The following INTS11 variants were observed in gnomAD, a reference collection of about 807,000 sequenced individuals.
The protein encoded by INTS11 is integrator complex subunit 11, also known as CPSF3-like protein.
A neutral mutation model predicts 78.6 loss-of-function variants in INTS11; 77 were observed. The ratio of observed to expected loss-of-function variants is 0.98; its 90% CI spans 0.81 to 1.18. The LOEUF (loss-of-function observed/expected upper bound fraction) is 1.18, where lower values mean the gene tolerates loss of function less well. Ranked by LOEUF, INTS11 falls within the 50% of genes most tolerant of loss-of-function variation. INTS11 has a pLI of 0.00. For missense variants in INTS11, 875 were observed against 825.9 expected, an observed-to-expected ratio of 1.06 and a Z score of -0.73; for synonymous variants, 441 against 326.9, an observed-to-expected ratio of 1.35 and a Z score of -3.77.
intron 4 of INTS11, chr1:1,318,884 C>A (rs755713672): frequency 1.5e-6 from 1 of 681,758 alleles, no homozygotes; most frequent in Non-Finnish European, 2.8e-6. Context: ...TGACCCACAC[C>A]CAGAACCAGG....
chr1:1,312,213 G>GGGGGGGGGGGGGGGCCCCCCCC lies in INTS11; in HGVS notation c.1607+12_1607+13insGGGGGGGGCCCCCCCCCCCCCC. On this transcript the variant is annotated intron_variant, in intron 15 of 16. Transcript: ENST00000435064. Reference sequence around the variant, plus strand: ...CCCAAGGGAGTGGGGGGGGGGCGGGGCCGGGCGCCCACCTCTTGAGGTGGC... The same window carrying GGGGGGGGGGGGGGGCCCCCCCC: ...CCCAAGGGAGTGGGGGGGGGGCGGGGGGGGGGGGGGGGGGCCCCCCCCCCGGGCGCCCACCTCTTGAGGTGGC... 1.1e-6 allele frequency: 1 copy of GGGGGGGGGGGGGGGCCCCCCCC among 934,628 alleles called. No individual in the cohort carries two copies. Among genetic ancestry groups the GGGGGGGGGGGGGGGCCCCCCCC allele is most frequent in the Non-Finnish European group, 1.6e-6 (1 of 636,676 alleles). The allele number at this position is 934,628 out of a possible 1,614,324, so 57.9% of individuals were successfully genotyped here.
chr1:1,322,280 A>G (rs1342196787), intron 1 of INTS11, among the ~76,000 whole-genome samples: 1 of 151,506 alleles, frequency 6.6e-6, no homozygotes, highest in Non-Finnish European at 1.5e-5. Context: ...CCGCCTCCCG[A>G]CAGGACCCAC....
In INTS11 at chr1:1,319,502, C is replaced by T. The variant is rs1194022808; in HGVS notation, c.223G>A (p.Gly75Arg). 16 of 1,589,016 alleles carry T rather than the reference C, an allele frequency of 1.0e-5. No homozygotes were observed. Among genetic ancestry groups the T allele is most frequent in the South Asian group, 3.4e-5 (3 of 87,194 alleles). The change falls in exon 4 of 17, where the codon GGG (glycine) becomes AGG (arginine). Residue 75 changes from glycine to arginine, a missense_variant. Transcript: ENST00000435064. ...IISHFHLDHC[G>R]ALPYFSEMVG... ...ATCTCGCTGAAGTAGGGGAGTGCCC[C>T]GCAGTGGTCCAGGTGGAAGTGGCTA...
chr1:1,319,494 G>T lies in INTS11; in HGVS notation c.231C>A (p.Leu77=), dbSNP rs1247639305. ...SHFHLDHCGA[L]PYFSEMVGYD... ...AGCCCACCATCTCGCTGAAGTAGGG[G>T]AGTGCCCCGCAGTGGTCCAGGTGGA... The change falls in exon 4 of 17, where the codon CTC becomes CTA. Residue 77 remains leucine (L), a synonymous_variant. Transcript: ENST00000435064. 1.9e-6 allele frequency: 3 copies of T among 1,598,546 alleles called. No homozygotes were observed. Among genetic ancestry groups the T allele is most frequent in the Admixed American group, 3.4e-5 (2 of 59,466 alleles).
At chr1:1,320,036 G>A (rs1013121537) in intron 3 of INTS11, 13 of 219,028 alleles carry the variant, frequency 5.9e-5, no homozygotes, top group Non-Finnish European at 1.1e-4. Flanking sequence ...GGAGGACAGG[G>A]CAGGGAAGGG....
rs1642339065 is a variant in INTS11, at chr1:1,313,114, G to C, written c.1052C>G (p.Pro351Arg). 4 of 1,607,344 alleles carry C rather than the reference G, an allele frequency of 2.5e-6. No individual in the cohort carries two copies. The highest frequency in any genetic ancestry group is 2.5e-6 in the Non-Finnish European group (3 of 1,179,584). The change falls in exon 11 of 17, where the codon CCC (proline) becomes CGC (arginine). Residue 351 changes from proline to arginine, a missense_variant. Physicochemically the swap from Pro to Arg is moderately radical, Grantham distance 103. Coordinates refer to ENST00000435064, the MANE Select transcript of INTS11 (RefSeq NM_017871.6). ...AGNEKNMVIM[P>R]GYCVQGTVGH... ...GACGGTGCCCTGCACGCAGTAGCCG[G>C]GCATGATGACCTGGGGGCAGGCACA... is the stretch of plus-strand genomic sequence containing the variant.
chr1:1,321,924 C>A, intron 1 of INTS11: 1 of 1,357,246 alleles, frequency 7.4e-7, no homozygotes, highest in Non-Finnish European at 9.5e-7. Flanking sequence ...CTGCCAGCCA[C>A]TCGAAGTGTC....
In INTS11 at chr1:1,315,609, C is replaced by T; in HGVS notation, c.439G>A (p.Glu147Lys). The T allele has an allele frequency of 2.5e-6, 4 of 1,601,216 alleles. No individual in the cohort carries two copies. Among genetic ancestry groups the T allele is most frequent in the Non-Finnish European group, 3.4e-6 (4 of 1,172,978 alleles). The change falls in exon 5 of 17, where the codon GAG becomes AAG. Residue 147 changes from glutamate to lysine, a missense_variant. Physicochemically the swap from Glu to Lys is moderately conservative, Grantham distance 56. Coordinates refer to ENST00000435064, the MANE Select transcript of INTS11 (RefSeq NM_017871.6). ...HLHQTVQVDDELEIKAYYAGH... is the reference protein window; with the variant it reads ...HLHQTVQVDDKLEIKAYYAGH... Reference sequence around the variant, plus strand: ...GCATAGTAGGCCTTGATCTCCAGCTCATCATCTACCTGTGGAGGACAGGGC... The same window carrying T: ...GCATAGTAGGCCTTGATCTCCAGCTTATCATCTACCTGTGGAGGACAGGGC...
rs1557643020 is a variant in INTS11 at position 1,321,024 on chromosome 1, C to T, written c.98G>A (p.Cys33Tyr). The change falls in exon 2 of 17, where the codon TGT (cysteine) becomes TAT (tyrosine). Residue 33 changes from cysteine to tyrosine, a missense_variant. Coordinates refer to ENST00000435064, the MANE Select transcript of INTS11 (RefSeq NM_017871.6). ...SIAGKNVMLD[C>Y]GMHMGFNDDR... The stretch of plus-strand genomic sequence containing the variant: ...GTCATTGAAGCCCATGTGCATTCCA[C>T]AGTCCAGCATGACATTCTTGCCCGC... 1 of 1,613,194 alleles carries T rather than the reference C, an allele frequency of 6.2e-7. No homozygotes were observed.
In INTS11 at chr1:1,312,576, C is replaced by T. The variant is rs1408125450; in HGVS notation, c.1402+17G>A. 2.5e-6 allele frequency: 4 copies of T among 1,577,652 alleles called. No homozygotes were observed. Among genetic ancestry groups the T allele is most frequent in the Non-Finnish European group, 2.6e-6 (3 of 1,158,378 alleles). On this transcript the variant is annotated intron_variant, in intron 13 of 16. Transcript: ENST00000435064. ...CCTGCCCCGAGCACCCTGCCCTGCC[C>T]TGCCCAGCCCGCATACCCTGCGCCA... is the stretch of plus-strand genomic sequence containing the variant.
At position 1,320,081 on chromosome 1, in the gene INTS11, C is replaced by T. The variant is rs575277995; in HGVS notation, c.200+375G>A. On this transcript the variant is annotated intron_variant, in intron 3 of 16. Coordinates refer to ENST00000435064, the MANE Select transcript of INTS11 (RefSeq NM_017871.6). Reference sequence around the variant, plus strand: ...AGCAGGAGTGCTGTGGCCGTCCAGACGAGGCCACCCAGACCAGCGGGTCAT... The same window carrying T: ...AGCAGGAGTGCTGTGGCCGTCCAGATGAGGCCACCCAGACCAGCGGGTCAT... 24 of 239,096 alleles carry T rather than the reference C, an allele frequency of 1.0e-4. 1 individual carries two copies. The South Asian group carries it at 1.2e-3, about 12-fold the overall frequency. The allele number at this position is 239,096 out of a possible 1,614,324, so 14.8% of individuals were successfully genotyped here.
chr1:1,324,617 C>A lies in INTS11; in HGVS notation c.-9G>T. The A allele has an allele frequency of 1.3e-6, 2 of 1,599,252 alleles. No homozygotes were observed. The highest frequency in any genetic ancestry group is 1.1e-5 in the South Asian group (1 of 89,350). Reference sequence around the variant, plus strand: ...ACTCTGATCTCAGGCATCGTCTCCGCCGCGCTCCCGGACCCGCGAGGCCCG... The same window carrying A: ...ACTCTGATCTCAGGCATCGTCTCCGACGCGCTCCCGGACCCGCGAGGCCCG... On this transcript the variant is annotated 5_prime_UTR_variant, in exon 1 of 17. Coordinates refer to ENST00000435064, the MANE Select transcript of INTS11 (RefSeq NM_017871.6).
Position 1,312,374 on chromosome 1 carries a change from G to C in INTS11, c.1465-6C>G. The C allele has an allele frequency of 6.4e-7, 1 of 1,567,276 alleles. No individual in the cohort carries two copies. Among genetic ancestry groups the C allele is most frequent in the Non-Finnish European group, 8.7e-7 (1 of 1,155,622 alleles). Reference sequence around the variant, plus strand: ...GAGGACACCAGCCGGAAGTTCTGTGGGGCAGGGACAGGTCAGTGAGCGCAG... The same window carrying C: ...GAGGACACCAGCCGGAAGTTCTGTGCGGCAGGGACAGGTCAGTGAGCGCAG... On this transcript the variant is annotated splice_region_variant and splice_polypyrimidine_tract_variant and intron_variant, in intron 14 of 16. Transcript: ENST00000435064.
chr1:1,321,126 CG>C, intron 1 of INTS11, 33 bp from the exon 2 acceptor site: 1 of 1,524,808 alleles, frequency 6.6e-7, no homozygotes, highest in Non-Finnish European at 9.0e-7. Flanking sequence ...GTCACTGCTG[CG>C]CCCCCCGCCC....
intron 3 of INTS11, 76 bp downstream of exon 3, chr1:1,320,380 T>G: frequency 2.1e-6 from 3 of 1,431,024 alleles, no homozygotes; most frequent in Non-Finnish European, 2.0e-6. Flanking sequence ...TGCCAAACGC[T>G]GCCGAGACCA....
In INTS11 at chr1:1,312,048, G is replaced by C; in HGVS notation, c.1707C>G (p.Thr569=). Reference sequence around the variant, plus strand: ...AGGTCCAGGAGACCAGCAGCACCTTGGTGCCTGGGTCCTCAGAAGGGGCGG... The same window carrying C: ...AGGTCCAGGAGACCAGCAGCACCTTCGTGCCTGGGTCCTCAGAAGGGGCGG... ...QAAAPSEDPG[T]KVLLVSWTYQ... The change falls in exon 16 of 17, where the codon ACC becomes ACG. Residue 569 remains threonine (T), a synonymous_variant. Coordinates refer to ENST00000435064, the MANE Select transcript of INTS11 (RefSeq NM_017871.6). 6.4e-7 allele frequency: 1 copy of C among 1,573,310 alleles called. No homozygotes were observed. The highest frequency in any genetic ancestry group is 8.6e-7 in the Non-Finnish European group (1 of 1,158,762).
chr1:1,321,741 G>C (rs987726425), intron 1 of INTS11, among the ~76,000 whole-genome samples: 2 of 152,186 alleles, frequency 1.3e-5, no homozygotes, highest in African/African-American at 2.4e-5. Flanking sequence ...TGACAGCCAA[G>C]CAGCCCTGCC....
chr1:1,311,706 G>A lies in INTS11; in HGVS notation c.*153C>T, dbSNP rs139808130. 5.2e-4 allele frequency: 420 copies of A among 805,916 alleles called. 1 individual carries two copies. The African/African-American group carries it at 6.2e-3, about 12-fold the overall frequency. 49.9% of individuals were successfully genotyped at this position (805,916 alleles called of 1,614,324 possible). ...CAGTTTGTTTCTTCAGCTGCAAACA[G>A]CTGCCTGGGCAGGCAGGTGACACAA... On this transcript the variant is annotated 3_prime_UTR_variant, in exon 17 of 17. Transcript: ENST00000435064.
Position 1,314,678 on chromosome 1 carries a change from T to C in INTS11, c.702+146A>G, listed in dbSNP as rs895753622. 48 of 1,039,700 alleles carry C rather than the reference T, an allele frequency of 4.6e-5. No individual in the cohort carries two copies. The highest frequency in any genetic ancestry group is 6.5e-5 in the Non-Finnish European group (46 of 709,456). The allele number at this position is 1,039,700 out of a possible 1,614,324, so 64.4% of individuals were successfully genotyped here. ...AGGGTCTCTGAGTTTTCCTCCTCAA[T>C]GTTGAGCAAATCTTCTTCCCTCCCT... On this transcript the variant is annotated intron_variant, in intron 7 of 16. Coordinates refer to ENST00000435064, the MANE Select transcript of INTS11 (RefSeq NM_017871.6). The surrounding 1 kb of genome is among the most constrained non-coding windows in gnomAD (Gnocchi z 4.2).
Sources: gnomAD v4.1 joint callset for allele counts (sites outside exome capture counted in the v4.1 genomes callset) on GRCh38, gnomAD v4.1.1 for gene constraint, Gnocchi (gnomAD v3.1) non-coding constraint, MANE v1.5 for transcripts, NCBI Gene and HGNC (gene_info 2026-07-23, HGNC 2026-07-21) for gene names.